The following DGLUCY variants were observed in gnomAD, a reference collection of about 807,000 sequenced individuals.
The protein encoded by DGLUCY is D-glutamate cyclase, mitochondrial.
In DGLUCY, 58 loss-of-function variants were observed where a neutral mutation model predicts 58.5. The observed-to-expected ratio is 0.99, with a 90% confidence interval of 0.80 to 1.23. DGLUCY has a LOEUF of 1.23. Ranked by LOEUF, DGLUCY falls within the 50% of genes most tolerant of loss-of-function variation. The pLI is 0.00. For synonymous variants in DGLUCY, 325 were observed against 314.1 expected, an observed-to-expected ratio of 1.03 and a Z score of -0.37; for missense variants, 779 against 784.7, an observed-to-expected ratio of 0.99 and a Z score of 0.09.
chr14:91,070,122 T>G (rs2043891117), intron 1 of DGLUCY, among the ~76,000 whole-genome samples: 1 of 152,118 alleles, frequency 6.6e-6, no homozygotes, highest in African/African-American at 2.4e-5. Flanking sequence ...CAGGAAAAAC[T>G]GGTAGTGTTC....
In DGLUCY at chr14:91,066,302, C is replaced by T. The variant is rs1207441733; in HGVS notation, c.-82+5598C>T. Among the ~76,000 whole-genome samples, 5 of 148,666 alleles carry T rather than the reference C, an allele frequency of 3.4e-5. No individual in the cohort carries two copies. The East Asian group carries it at 1.0e-3, about 31-fold the overall frequency. Reference sequence around the variant, plus strand: ...CTGAGGCAGGAGAATCACTTGAACCCGGGAGGCAGAGGTTGCAGTGAGCTG... The same window carrying T: ...CTGAGGCAGGAGAATCACTTGAACCTGGGAGGCAGAGGTTGCAGTGAGCTG... On this transcript the variant is annotated intron_variant, in intron 1 of 4. Coordinates refer to the DGLUCY transcript ENST00000521334.
intron 1 of DGLUCY, among the ~76,000 whole-genome samples, chr14:91,083,351 A>G (rs773367973): frequency 7.2e-5 from 11 of 152,052 alleles, no homozygotes; most frequent in Admixed American, 5.9e-4. Context: ...GTGAAACACC[A>G]TTTATACTAA....
chr14:91,117,074 G>T (rs533226271), intron 1 of DGLUCY, among the ~76,000 whole-genome samples: 1 of 152,274 alleles, frequency 6.6e-6, no homozygotes, highest in African/African-American at 2.4e-5. Flanking sequence ...TCCAGGAAAC[G>T]GGTGGGCAAT....
chr14:91,093,255 A>G (rs145595425), intron 1 of DGLUCY, among the ~76,000 whole-genome samples: 95 of 152,210 alleles, frequency 6.2e-4, no homozygotes, highest in African/African-American at 2.2e-3. Context: ...GTCGCTTTAC[A>G]TGTTGTGTAT....
chr14:91,181,169 C>T lies in DGLUCY; in HGVS notation c.731-17C>T, dbSNP rs1953903225. 1.9e-6 allele frequency: 3 copies of T among 1,613,156 alleles called. No homozygotes were observed. Among genetic ancestry groups the T allele is most frequent in the Non-Finnish European group, 2.5e-6 (3 of 1,179,412 alleles). On this transcript the variant is annotated splice_polypyrimidine_tract_variant and intron_variant, in intron 7 of 13. Coordinates refer to ENST00000256324, the MANE Select transcript of DGLUCY (RefSeq NM_001102368.3). ...GATGAAGTGGCTGGGCTCAGACCCTCCTGCTGTGTGTTTTAGAGACCCCAC... is the reference window on the plus strand; with the variant it reads ...GATGAAGTGGCTGGGCTCAGACCCTTCTGCTGTGTGTTTTAGAGACCCCAC...
chr14:91,124,351 T>C (rs1265245774), intron 1 of DGLUCY, among the ~76,000 whole-genome samples: 6 of 152,190 alleles, frequency 3.9e-5, no homozygotes, highest in African/African-American at 1.4e-4. Context: ...ATGCCTCCTC[T>C]TCTCTCTGGG....
chr14:91,141,051 A>G (rs980629639), intron 1 of DGLUCY, among the ~76,000 whole-genome samples: 5 of 152,118 alleles, frequency 3.3e-5, no homozygotes, highest in African/African-American at 1.2e-4. Flanking sequence ...TATTTCTTGT[A>G]GGGTGCTCCG....
At chr14:91,197,209 C>G (rs530275270) in intron 10 of DGLUCY, among the ~76,000 whole-genome samples, 1 of 152,298 alleles carries the variant, frequency 6.6e-6, no homozygotes, top group African/African-American at 2.4e-5. Flanking sequence ...TCAAGTGATC[C>G]ACCCACCTTG....
chr14:91,182,926 T>A (rs1029326325), intron 8 of DGLUCY, among the ~76,000 whole-genome samples: 31 of 149,270 alleles, frequency 2.1e-4, no homozygotes, highest in African/African-American at 5.0e-4. Context: ...ATTTTATTTT[T>A]TATTTTATTT....
intron 9 of DGLUCY, among the ~76,000 whole-genome samples, chr14:91,193,741 C>T (rs1449931597): frequency 6.6e-6 from 1 of 151,206 alleles, no homozygotes; most frequent in East Asian, 1.9e-4. Context: ...ACTAGGGAGG[C>T]TGAGGCAGGA....
Position 91,085,014 on chromosome 14 carries a change from G to A in DGLUCY, c.-82+24310G>A, listed in dbSNP as rs561141036. ...AAACAGTAATACAGTCTGAGTCCAG[G>A]AGTTCAAGACCAGCCTGGGCAACAG... On this transcript the variant is annotated intron_variant, in intron 1 of 4. Coordinates refer to the DGLUCY transcript ENST00000521334. 2.6e-3 allele frequency among the ~76,000 whole-genome samples: 390 copies of A among 152,170 alleles called. 1 individual carries two copies. Among genetic ancestry groups the A allele is most frequent in the Non-Finnish European group, 4.7e-3 (322 of 68,004 alleles).
chr14:91,217,648 C>G (rs1886786581), intron 13 of DGLUCY, among the ~76,000 whole-genome samples: 1 of 150,816 alleles, frequency 6.6e-6, no homozygotes, highest in Non-Finnish European at 1.5e-5. Context: ...CCATGCCCAG[C>G]TAATTTTTTT....
At chr14:91,213,387 A>G (rs1886012535) in intron 12 of DGLUCY, among the ~76,000 whole-genome samples, 1 of 152,138 alleles carries the variant, frequency 6.6e-6, no homozygotes, top group African/African-American at 2.4e-5. Context: ...GTGGGCTGAG[A>G]TCATAACACT....
intron 1 of DGLUCY, among the ~76,000 whole-genome samples, chr14:91,149,943 G>C (rs1361113894): frequency 6.6e-6 from 1 of 152,094 alleles, no homozygotes; most frequent in Non-Finnish European, 1.5e-5. Flanking sequence ...TGTTTGGGCT[G>C]GGTGCGGTGG....
chr14:91,068,352 A>C (rs1472958114), intron 1 of DGLUCY, among the ~76,000 whole-genome samples: 3 of 152,196 alleles, frequency 2.0e-5, no homozygotes, highest in African/African-American at 4.8e-5. Flanking sequence ...TGCGCATCAC[A>C]TATATATCCA....
chr14:91,142,353 T>G (rs1256880866), intron 1 of DGLUCY, among the ~76,000 whole-genome samples: 1 of 152,154 alleles, frequency 6.6e-6, no homozygotes, highest in Non-Finnish European at 1.5e-5. Context: ...GAGCTACACT[T>G]TGAGAACACT....
intron 1 of DGLUCY, among the ~76,000 whole-genome samples, chr14:91,116,274 A>G (rs2044935529): frequency 6.6e-6 from 1 of 152,232 alleles, no homozygotes; most frequent in Admixed American, 6.5e-5. Flanking sequence ...CTTTCAAAGC[A>G]TTTCTTAAAC....
Position 91,173,417 on chromosome 14 carries a change from A to G in DGLUCY, c.585A>G (p.Gln195=). The G allele has an allele frequency of 1.2e-6, 2 of 1,607,610 alleles. No homozygotes were observed. The highest frequency in any genetic ancestry group is 1.7e-6 in the Non-Finnish European group (2 of 1,178,096). The change falls in exon 6 of 14, where the codon CAA becomes CAG. Residue 195 remains glutamine, a synonymous_variant. Transcript: ENST00000256324. ...ACCSLGGEQG[Q]PVHMGDPELL... is the part of the protein sequence containing the mutation. ...GCTCCCTCGGAGGTGAGCAGGGGCA[A>G]CCTGTTCACATGGGCGACCCAGGTC...
chr14:91,135,695 G>A (rs965337115), intron 1 of DGLUCY, among the ~76,000 whole-genome samples: 5 of 128,318 alleles, frequency 3.9e-5, no homozygotes, highest in Admixed American at 1.6e-4. Context: ...ATAGGCTTTT[G>A]CTGTTTTTGT....
Sources: allele counts gnomAD v4.1 joint callset (sites outside exome capture counted in the v4.1 genomes callset), GRCh38; gene constraint gnomAD v4.1.1; transcripts MANE v1.5; gene names NCBI Gene and HGNC (gene_info 2026-07-23, HGNC 2026-07-21).